The following HPSE2 variants were observed in gnomAD, a reference collection of about 807,000 sequenced individuals.
HPSE2 encodes heparanase 2 (inactive), also known as inactive heparanase-2.
In HPSE2, 38 loss-of-function variants were observed where a neutral mutation model predicts 60.5. The ratio of observed to expected loss-of-function variants is 0.63; its 90% CI spans 0.48 to 0.82. HPSE2 has a LOEUF of 0.82. Ranked by LOEUF, HPSE2 falls within the 40% of genes least tolerant of loss-of-function variation. HPSE2 has a pLI of 0.00. For missense variants in HPSE2, 713 were observed against 740.4 expected, an observed-to-expected ratio of 0.96 and a Z score of 0.43; for synonymous variants, 295 against 293.2, an observed-to-expected ratio of 1.01 and a Z score of -0.06.
chr10:99,019,092 C>T (rs971681211), intron 3 of HPSE2, among the ~76,000 whole-genome samples: 2 of 152,156 alleles, frequency 1.3e-5, no homozygotes, highest in Non-Finnish European at 1.5e-5. Flanking sequence ...TGCTGGATGA[C>T]AGCAGAATGA....
At chr10:98,890,586 A>G (rs1304757114) in intron 3 of HPSE2, among the ~76,000 whole-genome samples, 2 of 152,220 alleles carry the variant, frequency 1.3e-5, no homozygotes, top group Non-Finnish European at 2.9e-5. Flanking sequence ...TTTTTTCAAG[A>G]TTAGCATGGT....
At chr10:99,085,132 A>T (rs1008229108) in intron 3 of HPSE2, among the ~76,000 whole-genome samples, 1 of 152,220 alleles carries the variant, frequency 6.6e-6, no homozygotes, top group African/African-American at 2.4e-5. Context: ...GTGAGATGCT[A>T]GTGTGCTTTG....
In HPSE2 at chr10:98,758,691, G is replaced by T. The variant is rs189693428; in HGVS notation, c.611-14635C>A. Among the ~76,000 whole-genome samples, 48 of 152,310 alleles carry T rather than the reference G, an allele frequency of 3.2e-4. No individual in the cohort carries two copies. The East Asian group carries it at 3.7e-3, about 12-fold the overall frequency. ...ATTAAAATGTCAAAAAATAACAGAT[G>T]CTGGTGAGCTTGCGGAGAAAAACGA... On this transcript the variant is annotated intron_variant, in intron 3 of 11. Coordinates refer to ENST00000370552, the MANE Select transcript of HPSE2 (RefSeq NM_021828.5).
At chr10:98,973,835 TATA>T (rs1956018933) in intron 3 of HPSE2, among the ~76,000 whole-genome samples, 1 of 151,104 alleles carries the variant, frequency 6.6e-6, no homozygotes, top group Non-Finnish European at 1.5e-5. Flanking sequence ...CCATATTGCC[TATA>T]ATGAGTAAAA....
chr10:98,490,138 T>C lies in HPSE2; in HGVS notation c.1379A>G (p.His460Arg), dbSNP rs776630003. 3 of 1,614,240 alleles carry C rather than the reference T, an allele frequency of 1.9e-6. No individual in the cohort carries two copies. The highest frequency in any genetic ancestry group is 1.7e-6 in the Non-Finnish European group (2 of 1,180,052). ...TGGCTTCCGCTGGAGCCCAGCCACATGCACAGCCAAGACTTTGGGGCCGAT... is the reference window on the plus strand; with the variant it reads ...TGGCTTCCGCTGGAGCCCAGCCACACGCACAGCCAAGACTTTGGGGCCGAT... Reference protein sequence around the residue: ...RLIGPKVLAVHVAGLQRKPRP... With the variant: ...RLIGPKVLAVRVAGLQRKPRP... Residue 460 changes from histidine to arginine, a missense_variant, in exon 10 of 12, where the codon CAT becomes CGT. Physicochemically the swap from His to Arg is conservative, Grantham distance 29. Coordinates refer to ENST00000370552, the MANE Select transcript of HPSE2 (RefSeq NM_021828.5).
chr10:98,942,060 A>G (rs1269794329), intron 3 of HPSE2, among the ~76,000 whole-genome samples: 6 of 143,212 alleles, frequency 4.2e-5, no homozygotes, highest in Non-Finnish European at 7.5e-5. Flanking sequence ...CCATCCTTAC[A>G]CCTTATACAA....
intron 10 of HPSE2, among the ~76,000 whole-genome samples, chr10:98,485,000 C>T (rs949777437): frequency 6.6e-6 from 1 of 152,180 alleles, no homozygotes; most frequent in Non-Finnish European, 1.5e-5. Flanking sequence ...CAACTTTGCC[C>T]AGAGGAAAGC....
At chr10:99,185,134 G>C (rs1394144070) in intron 2 of HPSE2, among the ~76,000 whole-genome samples, 1 of 150,880 alleles carries the variant, frequency 6.6e-6, no homozygotes, top group Non-Finnish European at 1.5e-5. Context: ...GCCCTGTCTC[G>C]ACTAAATATA....
intron 6 of HPSE2, among the ~76,000 whole-genome samples, chr10:98,691,610 A>T (rs1417487131): frequency 1.3e-5 from 2 of 152,236 alleles, no homozygotes; most frequent in Non-Finnish European, 2.9e-5. Context: ...TTCAGCCTTT[A>T]TACTACGTTA....
chr10:98,918,694 G>C (rs1160589788), intron 3 of HPSE2, among the ~76,000 whole-genome samples: 2 of 109,660 alleles, frequency 1.8e-5, no homozygotes, highest in Non-Finnish European at 3.6e-5. Flanking sequence ...TGGGGGGAGG[G>C]GGGAGGGATA....
At chr10:99,058,999 A>G (rs34519421) in intron 3 of HPSE2, among the ~76,000 whole-genome samples, 15,240 of 152,324 alleles carry the variant, frequency 0.1, 804 homozygotes, top group South Asian at 0.19. Flanking sequence ...CAATATGTAA[A>G]TGAATGAGCA....
At chr10:98,491,881 G>A (rs1941657989) in intron 9 of HPSE2, among the ~76,000 whole-genome samples, 1 of 152,142 alleles carries the variant, frequency 6.6e-6, no homozygotes, top group African/African-American at 2.4e-5. Context: ...GGTGGGTATA[G>A]AATCCGGAAG....
chr10:99,072,913 G>A (rs1438661147), intron 3 of HPSE2, among the ~76,000 whole-genome samples: 2 of 119,772 alleles, frequency 1.7e-5, no homozygotes, highest in South Asian at 2.7e-4. Flanking sequence ...TGGTGACAGA[G>A]CCAGGCTCCG....
chr10:98,491,208 C>CT (rs11337181), intron 9 of HPSE2, among the ~76,000 whole-genome samples: 19 of 149,880 alleles, frequency 1.3e-4, no homozygotes, highest in African/African-American at 3.7e-4. Flanking sequence ...TTCTGATAAT[C>CT]TTTTTTTTTT....
At chr10:98,526,771 T>C (rs905762139) in intron 9 of HPSE2, among the ~76,000 whole-genome samples, 1 of 152,146 alleles carries the variant, frequency 6.6e-6, no homozygotes, top group Non-Finnish European at 1.5e-5. Flanking sequence ...GGACTGGTTT[T>C]GTGTGGTCAT....
At chr10:99,204,701 G>A (rs538374100) in intron 2 of HPSE2, among the ~76,000 whole-genome samples, 1 of 152,092 alleles carries the variant, frequency 6.6e-6, no homozygotes, top group East Asian at 1.9e-4. Flanking sequence ...ACTATATGCA[G>A]ATTTTTTGAA....
At chr10:98,649,222 A>C (rs2134055918) in intron 6 of HPSE2, among the ~76,000 whole-genome samples, 1 of 152,342 alleles carries the variant, frequency 6.6e-6, no homozygotes, top group South Asian at 2.1e-4. Flanking sequence ...AGAATAGCAC[A>C]ACTGAACTAT....
intron 9 of HPSE2, among the ~76,000 whole-genome samples, chr10:98,581,736 A>G (rs1944804400): frequency 6.6e-6 from 1 of 152,190 alleles, no homozygotes; most frequent in South Asian, 2.1e-4. Flanking sequence ...GCTTTTTATT[A>G]TTGCCATGTG....
In HPSE2 at chr10:98,802,406, G is replaced by C. The variant is rs1391146346; in HGVS notation, c.611-58350C>G. Among the ~76,000 whole-genome samples, 3 of 150,090 alleles carry C rather than the reference G, an allele frequency of 2.0e-5. No individual in the cohort carries two copies. The South Asian group carries it at 6.3e-4, about 32-fold the overall frequency. On this transcript the variant is annotated intron_variant, in intron 3 of 11. Transcript: ENST00000370552. ...ACATATGTATACATGTGCCATGCTG[G>C]TGTGCTGCACCCATTAACTCGTCAT...
Sources: allele counts gnomAD v4.1 joint callset (sites outside exome capture counted in the v4.1 genomes callset), GRCh38; gene constraint gnomAD v4.1.1; transcripts MANE v1.5; gene names NCBI Gene and HGNC (gene_info 2026-07-23, HGNC 2026-07-21).